Variants in DCST1 observed in about 807,000 individuals in gnomAD.
DCST1 encodes the protein E3 ubiquitin-protein ligase DCST1.
DCST1 carries 78 observed loss-of-function variants against 89.1 expected under a neutral mutation model. The ratio of observed to expected loss-of-function variants is 0.88; its 90% CI spans 0.73 to 1.06. The LOEUF is 1.06. Ranked by LOEUF, DCST1 falls within the 50% of genes least tolerant of loss-of-function variation. The pLI, the probability that DCST1 is intolerant of heterozygous loss-of-function variation, is 0.00. For missense variants in DCST1, 900 were observed against 928.6 expected (o/e 0.97, Z 0.40); for synonymous variants, 364 against 371.9 (o/e 0.98, Z 0.24).
chr1:155,039,369 C>A (rs1171473221), intron 4 of DCST1, 34 bp from the exon 5 acceptor site: 1 of 1,497,624 alleles, frequency 6.7e-7, no homozygotes, highest in African/African-American at 1.4e-5. Context: ...AGCTTCCTCA[C>A]TTCAGCTCAC....
At chr1:155,046,065 C>CAG in intron 11 of DCST1, 60 bp from the exon 12 acceptor site, 1 of 1,613,532 alleles carries the variant, frequency 6.2e-7, no homozygotes, top group Non-Finnish European at 8.5e-7. Flanking sequence ...TCCAGGAAGG[C>CAG]AGAGAGGAAA....
Position 155,046,191 on chromosome 1 carries a change from A to G in DCST1, c.1339A>G (p.Thr447Ala), listed in dbSNP as rs1407235283. The change falls in exon 12 of 17, where the codon ACC (threonine) becomes GCC (alanine). Residue 447 changes from threonine to alanine, a missense_variant. Transcript: ENST00000295542. ...EKTVIFPCKP[T>A]IQASEMSNVV... ...AACCGTCATCTTCCCTTGCAAGCCC[A>G]CCATCCAGGCCTCAGAAATGAGCAA... 2.5e-6 allele frequency: 4 copies of G among 1,614,066 alleles called. No individual in the cohort carries two copies. The highest frequency in any genetic ancestry group is 4.5e-5 in the East Asian group (2 of 44,890).
Position 155,039,491 on chromosome 1 carries a change from G to C in DCST1, c.351G>C (p.Arg117Ser). The change falls in exon 5 of 17, where the codon AGG (arginine) becomes AGC (serine). Residue 117 changes from arginine (R) to serine (S), a missense_variant. Transcript: ENST00000295542. The stretch of plus-strand genomic sequence containing the variant: ...CCAAGATGCTGGGCAAGGAAGGCAG[G>C]CTCTTTGTCCTGGGATACGCCTTGG... ...LVPKMLGKEG[R>S]LFVLGYALAA... is the part of the protein sequence containing the mutation. 6.2e-7 allele frequency: 1 copy of C among 1,601,942 alleles called. No individual in the cohort carries two copies.
In DCST1 at chr1:155,039,543, G is replaced by A. The variant is rs372412738; in HGVS notation, c.391+12G>A. 1.3e-6 allele frequency: 2 copies of A among 1,570,364 alleles called. No individual in the cohort carries two copies. Among genetic ancestry groups the A allele is most frequent in the Non-Finnish European group, 1.7e-6 (2 of 1,156,556 alleles). On this transcript the variant is annotated intron_variant, in intron 5 of 16. Coordinates refer to ENST00000295542, the MANE Select transcript of DCST1 (RefSeq NM_152494.4). The stretch of plus-strand genomic sequence containing the variant: ...TGCCATCTATGTGGGTGAGTATGTG[G>A]GGGCCAGTGAGTTACACTGAAGCAG...
rs753929153 is a variant in DCST1, at chr1:155,040,621, G to T, written c.528G>T (p.Leu176=). The change falls in exon 6 of 17, where the codon CTG becomes CTT. Residue 176 remains leucine (L), a synonymous_variant. Coordinates refer to ENST00000295542, the MANE Select transcript of DCST1 (RefSeq NM_152494.4). ...TAPLRAMFKD[L]LSSKELLRAE... Reference sequence around the variant, plus strand: ...CCTTACGGGCCATGTTCAAGGACCTGCTGGTCAGGAATCTGCACAGGCAGA... The same window carrying T: ...CCTTACGGGCCATGTTCAAGGACCTTCTGGTCAGGAATCTGCACAGGCAGA... The T allele has an allele frequency of 6.4e-7, 1 of 1,572,848 alleles. No individual in the cohort carries two copies. Among genetic ancestry groups the T allele is most frequent in the South Asian group, 1.2e-5 (1 of 85,808 alleles).
At chr1:155,034,791 G>T in intron 4 of DCST1, 64 bp downstream of exon 4, 5 of 1,562,024 alleles carry the variant, frequency 3.2e-6, no homozygotes, top group Non-Finnish European at 4.4e-6. Context: ...CGTCCTGCAT[G>T]CCCAGGAAGG....
chr1:155,046,599 TC>T, intron 13 of DCST1, 113 bp downstream of exon 13: 9 of 978,660 alleles, frequency 9.2e-6, no homozygotes, highest in East Asian at 3.1e-5. Context: ...TCCTTCTGCC[TC>T]TTTTTTTTTT....
At chr1:155,049,540 G>C (rs1172132596) in intron 16 of DCST1, among the ~76,000 whole-genome samples, 2 of 151,710 alleles carry the variant, frequency 1.3e-5, no homozygotes, top group East Asian at 1.9e-4. Flanking sequence ...TCAGCTTCCC[G>C]AGTAGCTGGG....
chr1:155,050,170 G>A (rs1161433078), intron 16 of DCST1, among the ~76,000 whole-genome samples: 3 of 152,340 alleles, frequency 2.0e-5, no homozygotes, highest in Non-Finnish European at 2.9e-5. Flanking sequence ...GTGAGGGATG[G>A]CAGGGAGCAT....
At chr1:155,047,739 T>A (rs1362337000) in intron 14 of DCST1, 48 bp from the exon 15 acceptor site, 11 of 1,585,860 alleles carry the variant, frequency 6.9e-6, no homozygotes, top group Non-Finnish European at 8.6e-6. Context: ...AGGGCTGCCC[T>A]GCCCCTTGGC....
In DCST1 at chr1:155,047,081, C is replaced by A. The variant is rs954686387; in HGVS notation, c.1496-115C>A. ...TAGGATTCAGGAAGGGACAGAAAGA[C>A]TCAGGCAGCTGAGAAGCATTTCTGT... On this transcript the variant is annotated intron_variant, in intron 13 of 16. Transcript: ENST00000295542. 24 of 873,228 alleles carry A rather than the reference C, an allele frequency of 2.7e-5. No homozygotes were observed. The South Asian group carries it at 2.9e-4, about 11-fold the overall frequency. 54.1% of individuals were successfully genotyped at this position (873,228 alleles called of 1,614,324 possible). A position where few individuals can be genotyped will look rare whatever the true frequency, so the allele number is the denominator to read the frequency against.
At chr1:155,034,364 A>T (rs760942770) in intron 2 of DCST1, 71 bp from the exon 3 acceptor site, 2 of 1,611,262 alleles carry the variant, frequency 1.2e-6, no homozygotes, top group Non-Finnish European at 8.5e-7. Context: ...TCCACCTGCA[A>T]GCCCTGAATC....
intron 4 of DCST1, among the ~76,000 whole-genome samples, chr1:155,037,438 CTTT>C (rs781136167): frequency 3.2e-5 from 4 of 125,810 alleles, no homozygotes; most frequent in Non-Finnish European, 5.1e-5. Context: ...CATTGTTGGT[CTTT>C]TTTTTTTTTT....
intron 8 of DCST1, 81 bp from the exon 9 acceptor site, chr1:155,042,654 A>T (rs1346349353): frequency 6.3e-7 from 1 of 1,589,172 alleles, no homozygotes; most frequent in Non-Finnish European, 8.6e-7. Context: ...GATGAGGAGG[A>T]CTACAGGAGG....
At position 155,046,295 on chromosome 1, in the gene DCST1, C is replaced by A. The variant is rs545109662; in HGVS notation, c.1369-65C>A. On this transcript the variant is annotated intron_variant, in intron 12 of 16. Coordinates refer to ENST00000295542, the MANE Select transcript of DCST1 (RefSeq NM_152494.4). Reference sequence around the variant, plus strand: ...GGTGAGGGTGGAGGGTAAAAGGCACCAGAGAGTGCTCCGTGCCCAGGCAGA... The same window carrying A: ...GGTGAGGGTGGAGGGTAAAAGGCACAAGAGAGTGCTCCGTGCCCAGGCAGA... 116 of 1,614,062 alleles carry A rather than the reference C, an allele frequency of 7.2e-5. 1 individual carries two copies. The East Asian group carries it at 2.6e-3, about 36-fold the overall frequency.
intron 12 of DCST1, 56 bp downstream of exon 12, chr1:155,046,276 G>T (rs577384044): frequency 6.2e-7 from 1 of 1,613,952 alleles, no homozygotes; most frequent in Non-Finnish European, 8.5e-7. Flanking sequence ...TGAAGGTGAG[G>T]GTGGAGGGTA....
At position 155,045,948 on chromosome 1, in the gene DCST1, A is replaced by G. The variant is rs1558109980; in HGVS notation, c.1228A>G (p.Ile410Val). The G allele has an allele frequency of 6.2e-7, 1 of 1,614,220 alleles. No homozygotes were observed. Among genetic ancestry groups the G allele is most frequent in the South Asian group, 1.1e-5 (1 of 91,084 alleles). Reference sequence around the variant, plus strand: ...TGACATTCGTTTTGACAACATCTACATCAGTACCTACTTCTGCCAGATCGA... The same window carrying G: ...TGACATTCGTTTTGACAACATCTACGTCAGTACCTACTTCTGCCAGATCGA... ...NHDIRFDNIY[I>V]STYFCQIDDR... The change falls in exon 11 of 17, where the codon ATC (isoleucine) becomes GTC (valine). Residue 410 changes from isoleucine to valine, a missense_variant. Coordinates refer to ENST00000295542, the MANE Select transcript of DCST1 (RefSeq NM_152494.4).
At position 155,034,019 on chromosome 1, in the gene DCST1, C is replaced by T; in HGVS notation, c.-18C>T. On this transcript the variant is annotated 5_prime_UTR_variant, in exon 2 of 17. Coordinates refer to ENST00000295542, the MANE Select transcript of DCST1 (RefSeq NM_152494.4). Reference sequence around the variant, plus strand: ...TTCAGGAGACCTGGGATGAGTGGTGCTTCCCCAAAACAGACTCATGGACAT... The same window carrying T: ...TTCAGGAGACCTGGGATGAGTGGTGTTTCCCCAAAACAGACTCATGGACAT... 1 of 1,614,076 alleles carries T rather than the reference C, an allele frequency of 6.2e-7. No homozygotes were observed. Among genetic ancestry groups the T allele is most frequent in the Non-Finnish European group, 8.5e-7 (1 of 1,180,014 alleles).
chr1:155,046,295 C>T, intron 12 of DCST1, 65 bp from the exon 13 acceptor site: 1 of 1,614,062 alleles, frequency 6.2e-7, no homozygotes, highest in Non-Finnish European at 8.5e-7. Flanking sequence ...TAAAAGGCAC[C>T]AGAGAGTGCT....
Sources: allele counts gnomAD v4.1 joint callset (sites outside exome capture counted in the v4.1 genomes callset), GRCh38; gene constraint gnomAD v4.1.1; transcripts MANE v1.5; gene names NCBI Gene and HGNC (gene_info 2026-07-23, HGNC 2026-07-21).